RFC3: variants seen among roughly 807,000 people sequenced by gnomAD.
The protein encoded by RFC3 is replication factor C subunit 3, also known as A1 38 kDa subunit.
In RFC3, 41 loss-of-function variants were observed where a neutral mutation model predicts 45.1. That is an observed-to-expected ratio of 0.91 (90% confidence interval 0.71 to 1.18). The LOEUF is 1.18. RFC3 is among the 50% of genes most tolerant of loss of function. RFC3 has a pLI of 0.00. For synonymous variants in RFC3, 149 were observed against 144.0 expected, an observed-to-expected ratio of 1.03 and a Z score of -0.25; for missense variants, 423 against 428.1, an observed-to-expected ratio of 0.99 and a Z score of 0.10.
At chr13:33,968,050 T>C (rs2083096047), downstream of RFC3, among the ~76,000 whole-genome samples, 1 of 152,210 alleles carries the variant, frequency 6.6e-6, no homozygotes, top group African/African-American at 2.4e-5. Context: ...TGAAGGGTTA[T>C]CTTGAGTTGA....
chr13:33,920,420 C>CTATTT (rs1555241368), intron 8 of RFC3, among the ~76,000 whole-genome samples: 2 of 83,168 alleles, frequency 2.4e-5, no homozygotes, highest in African/African-American at 1.0e-4. Context: ...TACAACCACA[C>CTATTT]TTTTTTTTTT....
intron 8 of RFC3, among the ~76,000 whole-genome samples, chr13:33,863,018 C>T (rs2082351320): frequency 6.6e-6 from 1 of 152,124 alleles, no homozygotes; most frequent in Admixed American, 6.6e-5. Context: ...AAATAATTTT[C>T]TGGAGGTCCT....
At chr13:33,935,536 A>G (rs553541567) in intron 8 of RFC3, among the ~76,000 whole-genome samples, 25 of 152,260 alleles carry the variant, frequency 1.6e-4, no homozygotes, top group Middle Eastern at 6.8e-3. Context: ...TTCATAATCA[A>G]CTTACTGTCT....
chr13:33,834,187 A>AATGTG (rs5802694), intron 7 of RFC3, among the ~76,000 whole-genome samples: 8,981 of 149,106 alleles, frequency 0.06, 573 homozygotes, highest in East Asian at 0.16. Context: ...TTTAAGATTT[A>AATGTG]ATGTGCCAGG....
intron 8 of RFC3, among the ~76,000 whole-genome samples, chr13:33,885,554 CCTT>C (rs1020332082): frequency 2.6e-5 from 4 of 152,120 alleles, no homozygotes; most frequent in African/African-American, 7.2e-5. Flanking sequence ...AACTTTAACT[CCTT>C]CTTGGCCCAC....
chr13:33,882,040 TG>T (rs1166676389), intron 8 of RFC3, among the ~76,000 whole-genome samples: 5 of 152,200 alleles, frequency 3.3e-5, no homozygotes, highest in African/African-American at 9.6e-5. Context: ...CTCTGCAAAT[TG>T]GGGGGAACTT....
chr13:33,965,032 C>T (rs1593723177), intron 8 of RFC3, among the ~76,000 whole-genome samples: 2 of 152,132 alleles, frequency 1.3e-5, no homozygotes, highest in African/African-American at 4.8e-5. Flanking sequence ...CCTAGAGTCT[C>T]TGGGGGAAAG....
At chr13:33,841,668 G>T (rs956696160), downstream of RFC3, among the ~76,000 whole-genome samples, 1 of 152,156 alleles carries the variant, frequency 6.6e-6, no homozygotes, top group Admixed American at 6.5e-5. Flanking sequence ...AGGGGTTTTT[G>T]ACTGCATAGG....
At chr13:33,832,912 A>G (rs1247504555) in intron 7 of RFC3, among the ~76,000 whole-genome samples, 1 of 152,190 alleles carries the variant, frequency 6.6e-6, no homozygotes, top group East Asian at 1.9e-4. Context: ...CTTTTATAAA[A>G]CTACTTGATT....
chr13:33,966,827 G>A (rs1015634379), downstream of RFC3, among the ~76,000 whole-genome samples: 6 of 152,098 alleles, frequency 3.9e-5, no homozygotes, highest in African/African-American at 7.2e-5. Context: ...CAACATGCAA[G>A]TAAATTATAT....
At chr13:33,839,485 A>G (rs562896372), downstream of RFC3, among the ~76,000 whole-genome samples, 1 of 152,346 alleles carries the variant, frequency 6.6e-6, no homozygotes, top group East Asian at 1.9e-4. Flanking sequence ...CTAGGCATAG[A>G]GGGTCATAAT....
chr13:33,843,769 C>T (rs2082217196), intron 8 of RFC3, among the ~76,000 whole-genome samples: 1 of 152,218 alleles, frequency 6.6e-6, no homozygotes, highest in Non-Finnish European at 1.5e-5. Flanking sequence ...GGGCTGTCAA[C>T]ACTGCCCAAC....
At chr13:33,914,296 T>G (rs1490076943) in intron 8 of RFC3, among the ~76,000 whole-genome samples, 1 of 152,130 alleles carries the variant, frequency 6.6e-6, no homozygotes, top group African/African-American at 2.4e-5. Context: ...CCAAGGAAGA[T>G]GAGCATTTGA....
At chr13:33,871,107 C>A (rs1201357289) in intron 8 of RFC3, among the ~76,000 whole-genome samples, 1 of 152,166 alleles carries the variant, frequency 6.6e-6, no homozygotes, top group Admixed American at 6.5e-5. Context: ...CTAGTAATGT[C>A]AGAGACAAAA....
chr13:33,910,243 A>G (rs1252027769), intron 8 of RFC3, among the ~76,000 whole-genome samples: 3 of 152,212 alleles, frequency 2.0e-5, no homozygotes, highest in South Asian at 2.1e-4. Context: ...ATAACATAGC[A>G]TAAGGACTAA....
At chr13:33,918,607 A>G (rs1034919498) in intron 8 of RFC3, among the ~76,000 whole-genome samples, 12 of 152,144 alleles carry the variant, frequency 7.9e-5, no homozygotes, top group African/African-American at 2.7e-4. Context: ...TGGGGGAGCA[A>G]ATCAACTTGT....
In RFC3 at chr13:33,872,177, A is replaced by T. The variant is rs986770169; in HGVS notation, c.879+36960A>T. ...TGTGTGGTAATGAAAGCTTATTCAT[A>T]ATCTTAAATACGATGTAAGTGGCTG... On this transcript the variant is annotated intron_variant, in intron 8 of 8. Transcript: ENST00000434425. Among the ~76,000 whole-genome samples the T allele has an allele frequency of 1.3e-4, 20 of 152,262 alleles. 1 individual carries two copies. The highest frequency in any genetic ancestry group is 3.4e-3 in the Middle Eastern group (1 of 294).
intron 8 of RFC3, among the ~76,000 whole-genome samples, chr13:33,852,560 A>G (rs957327557): frequency 2.0e-5 from 3 of 152,174 alleles, no homozygotes; most frequent in Admixed American, 2.0e-4. Context: ...AATTTGGTAT[A>G]TTCACCAGGA....
intron 7 of RFC3, among the ~76,000 whole-genome samples, chr13:33,831,839 A>G (rs1027860930): frequency 3.9e-5 from 6 of 152,128 alleles, no homozygotes; most frequent in Non-Finnish European, 5.9e-5. Context: ...CTTCATTTGT[A>G]TATTGAAGAT....
Sources: allele counts gnomAD v4.1 joint callset (sites outside exome capture counted in the v4.1 genomes callset), GRCh38; gene constraint gnomAD v4.1.1; transcripts MANE v1.5; gene names NCBI Gene and HGNC (gene_info 2026-07-23, HGNC 2026-07-21).